The following FBXL17 variants were observed in gnomAD, a reference collection of about 807,000 sequenced individuals.
FBXL17 encodes the protein F-box and leucine rich repeat protein 17.
In FBXL17, 22 loss-of-function variants were observed where a neutral mutation model predicts 66.2. The ratio of observed to expected loss-of-function variants is 0.33; its 90% confidence interval spans 0.24 to 0.47. The LOEUF is 0.47. Ranked by LOEUF, FBXL17 falls within the 20% of genes least tolerant of loss-of-function variation. FBXL17 has a pLI of 1.00. For synonymous variants in FBXL17, 474 were observed against 400.5 expected (o/e 1.18, Z -2.19); for missense variants, 878 against 948.2 (o/e 0.93, Z 0.97).
chr5:107,938,298 C>A (rs1750976068), intron 7 of FBXL17, among the ~76,000 whole-genome samples: 1 of 151,536 alleles, frequency 6.6e-6, no homozygotes, highest in South Asian at 2.1e-4. Context: ...AAAAAAAAAT[C>A]CTGGGAAAAC....
At chr5:107,912,792 T>C (rs1285205565) in intron 7 of FBXL17, among the ~76,000 whole-genome samples, 3 of 152,158 alleles carry the variant, frequency 2.0e-5, no homozygotes, top group African/African-American at 7.2e-5. Flanking sequence ...TATTCATATA[T>C]TATCAGTGCA....
rs1752126146 is a variant in FBXL17 at position 107,966,042 on chromosome 5, T to C, written c.1822+54883A>G. On this transcript the variant is annotated intron_variant, in intron 7 of 8. Transcript: ENST00000542267. The stretch of plus-strand genomic sequence containing the variant: ...AGAAATTTTCCCTGATTTTACACCT[T>C]GTAAATTTATTTTAATCATTTTAAA... Among the ~76,000 whole-genome samples the C allele has an allele frequency of 2.6e-5, 4 of 152,238 alleles. No homozygotes were observed. The South Asian group carries it at 6.2e-4, about 24-fold the overall frequency.
At position 107,859,365 on chromosome 5, in the gene FBXL17, CTCAAGGTG is replaced by C. The variant is rs1748056655; in HGVS notation, c.*2347_*2354del. ...ACATTCAACAACCATCACAGGACCA[CTCAAGGTG>C]ATGCTTTTTTCTGGCTGTTTTTTTT... On this transcript the variant is annotated 3_prime_UTR_variant, in exon 9 of 9. Transcript: ENST00000542267. 6.8e-6 allele frequency: 1 copy of C among 146,522 alleles called. No homozygotes were observed. The highest frequency in any genetic ancestry group is 1.5e-5 in the Non-Finnish European group (1 of 67,114). 9.1% of individuals were successfully genotyped at this position (146,522 alleles called of 1,614,324 possible).
At chr5:108,197,991 A>G (rs77900053) in intron 5 of FBXL17, among the ~76,000 whole-genome samples, 2,395 of 152,202 alleles carry the variant, frequency 0.016, 72 homozygotes, top group African/African-American at 0.054. Context: ...AGTGGATGAG[A>G]AACTTTCGTC....
At chr5:108,112,821 T>C (rs1323273286) in intron 6 of FBXL17, among the ~76,000 whole-genome samples, 1 of 152,228 alleles carries the variant, frequency 6.6e-6, no homozygotes, top group African/African-American at 2.4e-5. Flanking sequence ...CAAAATATTA[T>C]AAATTTAACA....
intron 7 of FBXL17, among the ~76,000 whole-genome samples, chr5:107,947,578 T>C (rs1751356509): frequency 6.6e-6 from 1 of 152,244 alleles, no homozygotes; most frequent in East Asian, 1.9e-4. Flanking sequence ...CACTAAAATA[T>C]ATTCTTCTGT....
At chr5:108,093,532 A>G (rs1428714016) in intron 6 of FBXL17, among the ~76,000 whole-genome samples, 1 of 152,210 alleles carries the variant, frequency 6.6e-6, no homozygotes, top group Non-Finnish European at 1.5e-5. Flanking sequence ...CTGAAAAGGT[A>G]ATTTACACTA....
At chr5:108,237,111 G>C (rs1039045790) in intron 4 of FBXL17, among the ~76,000 whole-genome samples, 7 of 152,148 alleles carry the variant, frequency 4.6e-5, no homozygotes, top group African/African-American at 1.7e-4. Flanking sequence ...AGCTACCCTA[G>C]TCCACTGAGT....
At chr5:108,326,443 T>TA (rs148425904) in intron 4 of FBXL17, among the ~76,000 whole-genome samples, 9,574 of 146,936 alleles carry the variant, frequency 0.065, 1,010 homozygotes, top group African/African-American at 0.22. Flanking sequence ...AAATAAAAAT[T>TA]AAAAAAAAAA....
chr5:108,310,055 T>C (rs1462308194), intron 4 of FBXL17, among the ~76,000 whole-genome samples: 1 of 152,154 alleles, frequency 6.6e-6, no homozygotes, highest in African/African-American at 2.4e-5. Flanking sequence ...ATTTAAGGTT[T>C]TTTAAAGGCA....
At chr5:108,015,838 C>T (rs1438883760) in intron 7 of FBXL17, among the ~76,000 whole-genome samples, 2 of 152,112 alleles carry the variant, frequency 1.3e-5, no homozygotes, top group Non-Finnish European at 2.9e-5. Flanking sequence ...GTCAACAAGG[C>T]TGGGGTGAGG....
chr5:108,059,345 G>T (rs1298516326), intron 6 of FBXL17, among the ~76,000 whole-genome samples: 4 of 152,140 alleles, frequency 2.6e-5, no homozygotes, highest in Admixed American at 2.0e-4. Flanking sequence ...GGCCTTAGGA[G>T]TTATCATCTC....
intron 7 of FBXL17, among the ~76,000 whole-genome samples, chr5:107,991,114 T>C (rs1790462372): frequency 6.6e-6 from 1 of 152,168 alleles, no homozygotes; most frequent in Non-Finnish European, 1.5e-5. Context: ...CAAAATGACC[T>C]ACTTAGATTA....
chr5:107,945,535 G>A (rs1407698956), intron 7 of FBXL17, among the ~76,000 whole-genome samples: 2 of 152,016 alleles, frequency 1.3e-5, no homozygotes, highest in East Asian at 1.9e-4. Flanking sequence ...AAGAGCAAAC[G>A]TGAAATAATT....
chr5:107,868,586 C>A (rs55762588), intron 8 of FBXL17, among the ~76,000 whole-genome samples: 9 of 152,304 alleles, frequency 5.9e-5, no homozygotes, highest in Middle Eastern at 3.4e-3. Context: ...TCCCTTGTTA[C>A]GGAGGTAGGA....
intron 1 of FBXL17, among the ~76,000 whole-genome samples, chr5:108,372,011 AG>A (rs1380950877): frequency 6.6e-6 from 1 of 152,138 alleles, no homozygotes; most frequent in Non-Finnish European, 1.5e-5. Context: ...CCTGTTCCCC[AG>A]GGGTTGCCTT....
At chr5:108,060,857 C>T (rs749951902) in intron 6 of FBXL17, among the ~76,000 whole-genome samples, 3 of 152,108 alleles carry the variant, frequency 2.0e-5, no homozygotes, top group Non-Finnish European at 2.9e-5. Context: ...GGAAAAAAGA[C>T]GTTCTTAGTC....
intron 6 of FBXL17, among the ~76,000 whole-genome samples, chr5:108,116,975 G>A (rs1193791559): frequency 6.6e-6 from 1 of 152,026 alleles, no homozygotes; most frequent in Non-Finnish European, 1.5e-5. Flanking sequence ...TTAGGGCTGT[G>A]GATATTTCAT....
chr5:108,257,827 G>A (rs193195641), intron 4 of FBXL17, among the ~76,000 whole-genome samples: 2 of 152,200 alleles, frequency 1.3e-5, no homozygotes, highest in East Asian at 1.9e-4. Flanking sequence ...TTTTTTGAAA[G>A]AAAGACCTGT....
Sources: allele counts gnomAD v4.1 joint callset (sites outside exome capture counted in the v4.1 genomes callset), GRCh38; gene constraint gnomAD v4.1.1; transcripts MANE v1.5; gene names NCBI Gene and HGNC (gene_info 2026-07-23, HGNC 2026-07-21).